The following CCDC170 variants were observed in gnomAD, a reference collection of about 807,000 sequenced individuals.
The protein encoded by CCDC170 is coiled-coil domain containing 170, also known as coiled-coil domain-containing protein 170.
In CCDC170, 69 loss-of-function variants were observed where a neutral mutation model predicts 72.6. That is an observed-to-expected ratio of 0.95 (90% CI 0.78 to 1.16). The LOEUF (loss-of-function observed/expected upper bound fraction) is 1.16, where lower values mean the gene tolerates loss of function less well. Ranked by LOEUF, CCDC170 falls within the 50% of genes most tolerant of loss-of-function variation. The pLI, the probability that CCDC170 is intolerant of heterozygous loss-of-function variation, is 0.00. For missense variants in CCDC170, 852 were observed against 832.5 expected, an observed-to-expected ratio of 1.02 and a Z score of -0.29; for synonymous variants, 300 against 303.9, an observed-to-expected ratio of 0.99 and a Z score of 0.13.
intron 1 of CCDC170, among the ~76,000 whole-genome samples, chr6:151,497,995 A>G (rs918551343): frequency 5.9e-5 from 9 of 151,918 alleles, no homozygotes; most frequent in African/African-American, 2.2e-4. Flanking sequence ...CCTAATTATA[A>G]AATAGGATCA....
In CCDC170 at chr6:151,618,758, C is replaced by T; in HGVS notation, c.*611C>T. 1 of 153,174 alleles carries T rather than the reference C, an allele frequency of 6.5e-6. No individual in the cohort carries two copies. The highest frequency in any genetic ancestry group is 1.5e-5 in the Non-Finnish European group (1 of 68,736). 9.5% of individuals were successfully genotyped at this position (153,174 alleles called of 1,614,324 possible). On this transcript the variant is annotated 3_prime_UTR_variant, in exon 11 of 11. Transcript: ENST00000239374. ...GGTCACAGTGGTTCATGCCTGTAAT[C>T]CCAGCACTTTGGGAGTCCAAGGCAG...
At chr6:151,568,539 T>C (rs1414493891) in intron 5 of CCDC170, among the ~76,000 whole-genome samples, 2 of 152,250 alleles carry the variant, frequency 1.3e-5, no homozygotes, top group Non-Finnish European at 2.9e-5. Context: ...GCCACTATTC[T>C]ATCACATCTT....
intron 1 of CCDC170, among the ~76,000 whole-genome samples, chr6:151,518,830 C>G (rs1025870477): frequency 6.6e-6 from 1 of 152,080 alleles, no homozygotes; most frequent in African/African-American, 2.4e-5. Context: ...TTATTAAGGA[C>G]TTTAAAAGGG....
intron 9 of CCDC170, among the ~76,000 whole-genome samples, chr6:151,611,159 C>T (rs1034704426): frequency 4.6e-5 from 7 of 151,996 alleles, no homozygotes; most frequent in Non-Finnish European, 8.8e-5. Context: ...GCCTGCAGTC[C>T]AGCTACTCTG....
intron 5 of CCDC170, among the ~76,000 whole-genome samples, chr6:151,551,271 G>A (rs1782873973): frequency 6.6e-6 from 1 of 152,100 alleles, no homozygotes; most frequent in Non-Finnish European, 1.5e-5. Flanking sequence ...GACTTCATAA[G>A]TATTGCCTCT....
intron 1 of CCDC170, among the ~76,000 whole-genome samples, chr6:151,516,400 G>T (rs1305970339): frequency 3.3e-5 from 5 of 152,176 alleles, no homozygotes; most frequent in Non-Finnish European, 7.3e-5. Flanking sequence ...GTTATTTTTA[G>T]TTGATAGATT....
At chr6:151,509,374 C>T (rs544554296) in intron 1 of CCDC170, among the ~76,000 whole-genome samples, 1 of 152,238 alleles carries the variant, frequency 6.6e-6, no homozygotes, top group South Asian at 2.1e-4. Context: ...AATTTGCATT[C>T]ATTATTCTTG....
chr6:151,596,737 A>G, intron 9 of CCDC170, 160 bp downstream of exon 9: 1 of 969,118 alleles, frequency 1.0e-6, no homozygotes, highest in Non-Finnish European at 1.5e-6. Flanking sequence ...GACACAAATC[A>G]GGGTACATAT....
chr6:151,499,142 A>C (rs9371525), intron 1 of CCDC170, among the ~76,000 whole-genome samples: 1,100 of 102,004 alleles, frequency 0.011, 18 homozygotes, highest in Middle Eastern at 0.018. Flanking sequence ...GTATTTGACT[A>C]TTCTAGGCAC....
intron 1 of CCDC170, among the ~76,000 whole-genome samples, chr6:151,514,407 A>T (rs1782204975): frequency 7.5e-6 from 1 of 132,704 alleles, no homozygotes; most frequent in African/African-American, 3.2e-5. Context: ...AAGGGAGGGA[A>T]ATTTTGCCTG....
At chr6:151,554,683 C>A (rs141638960) in intron 5 of CCDC170, among the ~76,000 whole-genome samples, 7 of 151,886 alleles carry the variant, frequency 4.6e-5, no homozygotes, top group African/African-American at 1.7e-4. Flanking sequence ...GAGATGGCAC[C>A]ACTGCACTCC....
chr6:151,538,491 A>C (rs543044509), intron 3 of CCDC170, among the ~76,000 whole-genome samples, 190 bp downstream of exon 3: 32 of 152,248 alleles, frequency 2.1e-4, no homozygotes, highest in Non-Finnish European at 4.7e-4. Flanking sequence ...TCTAAATGTC[A>C]TCAAGAGTCT....
chr6:151,558,232 G>GT (rs55648936), intron 5 of CCDC170, among the ~76,000 whole-genome samples: 3,291 of 70,736 alleles, frequency 0.047, 96 homozygotes, highest in East Asian at 0.14. Context: ...TGAGATTAGT[G>GT]TTTTTTTTTT....
chr6:151,512,878 G>C (rs1782168699), intron 1 of CCDC170, among the ~76,000 whole-genome samples: 1 of 152,192 alleles, frequency 6.6e-6, no homozygotes, highest in Admixed American at 6.5e-5. Flanking sequence ...ACCTCTTAAA[G>C]GGCATATAGA....
chr6:151,513,449 A>C (rs1330037909), intron 1 of CCDC170, among the ~76,000 whole-genome samples: 1 of 151,776 alleles, frequency 6.6e-6, no homozygotes, highest in Non-Finnish European at 1.5e-5. Context: ...GTCTTTACTG[A>C]AAATACAAAA....
chr6:151,526,371 G>A (rs1211798371), intron 1 of CCDC170, among the ~76,000 whole-genome samples: 4 of 151,356 alleles, frequency 2.6e-5, no homozygotes, highest in African/African-American at 7.3e-5. Context: ...ACAGGCATGC[G>A]CTACCACGCC....
chr6:151,532,817 C>T (rs995914179), intron 1 of CCDC170, among the ~76,000 whole-genome samples: 6 of 152,132 alleles, frequency 3.9e-5, no homozygotes, highest in Admixed American at 2.0e-4. Flanking sequence ...GTAAGAATAG[C>T]CAGGGTTATT....
intron 4 of CCDC170, among the ~76,000 whole-genome samples, chr6:151,547,661 TC>T (rs746203637): frequency 8.3e-4 from 127 of 152,170 alleles, no homozygotes; most frequent in Non-Finnish European, 1.4e-3. Context: ...CCTACAGGCC[TC>T]CCCCTGGCCC....
chr6:151,563,232 A>G (rs1776071028), intron 5 of CCDC170, among the ~76,000 whole-genome samples: 1 of 152,202 alleles, frequency 6.6e-6, no homozygotes, highest in South Asian at 2.1e-4. Context: ...GCACAAAAAA[A>G]TGCTATGTCC....
Sources: gnomAD v4.1 joint callset for allele counts (sites outside exome capture counted in the v4.1 genomes callset) on GRCh38, gnomAD v4.1.1 for gene constraint, MANE v1.5 for transcripts, NCBI Gene and HGNC (gene_info 2026-07-23, HGNC 2026-07-21) for gene names.